PTPRT: variants seen among roughly 807,000 people sequenced by gnomAD.
The protein encoded by PTPRT is protein tyrosine phosphatase receptor type T.
In PTPRT, 56 loss-of-function variants were observed where a neutral mutation model predicts 176.8. The ratio of observed to expected loss-of-function variants is 0.32; its 90% CI spans 0.26 to 0.40. The LOEUF (loss-of-function observed/expected upper bound fraction) is 0.40, where lower values mean the gene tolerates loss of function less well. Among genes scored for constraint, PTPRT ranks in the 10% least tolerant of loss-of-function variants. The probability of loss-of-function intolerance (pLI) is 1.00; values close to 1 mark genes in which losing one functional copy is unlikely to be tolerated. For missense variants in PTPRT, 1,540 were observed against 1,908.2 expected (o/e 0.81, Z 3.60); for synonymous variants, 783 against 739.0 (o/e 1.06, Z -0.96).
intron 11 of PTPRT, among the ~76,000 whole-genome samples, chr20:42,347,474 C>G (rs2058211726): frequency 1.3e-5 from 2 of 152,154 alleles, no homozygotes; most frequent in South Asian, 4.1e-4. Flanking sequence ...TATCATCTTA[C>G]AGTGGAACTG....
chr20:42,226,311 T>C (rs1301351800), intron 15 of PTPRT, among the ~76,000 whole-genome samples: 1 of 152,180 alleles, frequency 6.6e-6, no homozygotes, highest in African/African-American at 2.4e-5. Flanking sequence ...ATTTTACAGA[T>C]GAGAAACTGA....
intron 11 of PTPRT, among the ~76,000 whole-genome samples, chr20:42,341,156 T>C (rs556639317): frequency 3.3e-5 from 5 of 152,286 alleles, no homozygotes; most frequent in African/African-American, 1.2e-4. Context: ...CAAATAGCAC[T>C]TCCTGTCTTT....
intron 9 of PTPRT, among the ~76,000 whole-genome samples, chr20:42,440,905 T>C (rs955975057): frequency 2.0e-5 from 3 of 152,222 alleles, no homozygotes; most frequent in African/African-American, 4.8e-5. Flanking sequence ...TCTTCTGATC[T>C]ATTCAGACCT....
At chr20:42,669,077 C>A (rs987634497) in intron 7 of PTPRT, among the ~76,000 whole-genome samples, 6 of 151,934 alleles carry the variant, frequency 3.9e-5, no homozygotes, top group African/African-American at 1.5e-4. Flanking sequence ...GGTTTTCTCC[C>A]TTCTTTAGCT....
chr20:42,506,193 C>T (rs1205332806), intron 7 of PTPRT, among the ~76,000 whole-genome samples: 1 of 152,086 alleles, frequency 6.6e-6, no homozygotes, highest in Non-Finnish European at 1.5e-5. Context: ...ACATATAATA[C>T]ATTACTCTAG....
chr20:42,084,383 T>A (rs1983658926), intron 29 of PTPRT, among the ~76,000 whole-genome samples: 1 of 152,224 alleles, frequency 6.6e-6, no homozygotes, highest in Middle Eastern at 3.2e-3. Flanking sequence ...GCTCTTTTTG[T>A]CCTATGATCC....
intron 1 of PTPRT, among the ~76,000 whole-genome samples, chr20:42,942,510 G>A (rs1221338043): frequency 2.6e-5 from 4 of 152,156 alleles, no homozygotes; most frequent in Admixed American, 6.5e-5. Context: ...TTTTGTAATT[G>A]TCTAGATGTT....
intron 2 of PTPRT, among the ~76,000 whole-genome samples, chr20:42,809,694 T>C (rs1341692491): frequency 1.3e-5 from 2 of 152,154 alleles, no homozygotes; most frequent in Non-Finnish European, 2.9e-5. Flanking sequence ...AGGTCGTCTC[T>C]GCCTCTGTTT....
chr20:43,075,478 C>A (rs6072965), intron 1 of PTPRT, among the ~76,000 whole-genome samples: 1 of 152,232 alleles, frequency 6.6e-6, no homozygotes. Context: ...AATAAGCACT[C>A]GTCAGGTTCC....
chr20:42,377,883 G>C (rs1279883835), intron 9 of PTPRT, among the ~76,000 whole-genome samples: 1 of 152,186 alleles, frequency 6.6e-6, no homozygotes, highest in Non-Finnish European at 1.5e-5. Flanking sequence ...AACACTATAG[G>C]AAGAACCTGG....
intron 5 of PTPRT, among the ~76,000 whole-genome samples, chr20:42,763,913 G>C (rs1235060427): frequency 6.6e-6 from 1 of 152,138 alleles, no homozygotes; most frequent in African/African-American, 2.4e-5. Context: ...AAGTCCCACA[G>C]GGCTTGGTGG....
chr20:43,073,186 T>A (rs2011203529), intron 1 of PTPRT, among the ~76,000 whole-genome samples: 1 of 152,070 alleles, frequency 6.6e-6, no homozygotes, highest in Non-Finnish European at 1.5e-5. Context: ...AAGGAGAAAA[T>A]GCAATCAGCT....
In PTPRT at chr20:42,472,538, A is replaced by G. The variant is rs1270848448; in HGVS notation, c.1178T>C (p.Val393Ala). 2 of 1,614,058 alleles carry G rather than the reference A, an allele frequency of 1.2e-6. No individual in the cohort carries two copies. Among genetic ancestry groups the G allele is most frequent in the Admixed American group, 1.7e-5 (1 of 60,030 alleles). Residue 393 changes from valine to alanine, a missense_variant, in exon 8 of 31, where the codon GTG (valine) becomes GCG (alanine). By Grantham distance (64) the Val-to-Ala change is moderately conservative. Around this residue, in one of 11 missense-constraint regions of PTPRT, gnomAD observed 273 missense variants for 432.1 expected, o/e 0.63. Coordinates refer to ENST00000373187, the MANE Select transcript of PTPRT (RefSeq NM_007050.6). The stretch of plus-strand genomic sequence containing the variant: ...CCGGGCTCTGATGTCTACGATTTCC[A>G]CGTTCTGTGGGCCATGTACCGGATC... The part of the protein sequence containing the change: ...CADPVHGPQN[V>A]EIVDIRARQL...
chr20:42,864,426 T>C (rs544520540), intron 2 of PTPRT, among the ~76,000 whole-genome samples: 12 of 152,180 alleles, frequency 7.9e-5, no homozygotes, highest in Non-Finnish European at 1.8e-4. Context: ...GGCACCTCCA[T>C]GCTGAGTCCC....
chr20:42,270,090 T>A (rs1353307251), intron 13 of PTPRT, among the ~76,000 whole-genome samples: 1 of 152,262 alleles, frequency 6.6e-6, no homozygotes, highest in East Asian at 1.9e-4. Context: ...GGAAAGGCAC[T>A]GGAACATATC....
intron 1 of PTPRT, among the ~76,000 whole-genome samples, chr20:42,938,059 T>A (rs1980306390): frequency 6.6e-6 from 1 of 152,242 alleles, no homozygotes; most frequent in Admixed American, 6.5e-5. Context: ...AAAGATCTTA[T>A]CAATGGATTT....
chr20:42,268,222 C>T (rs1390094630), intron 13 of PTPRT, among the ~76,000 whole-genome samples: 1 of 152,172 alleles, frequency 6.6e-6, no homozygotes, highest in East Asian at 1.9e-4. Flanking sequence ...TCACAGGCAC[C>T]TCACCCATCA....
At chr20:42,964,757 C>T (rs927896440) in intron 1 of PTPRT, among the ~76,000 whole-genome samples, 1 of 152,044 alleles carries the variant, frequency 6.6e-6, no homozygotes. Flanking sequence ...AGAACCATCA[C>T]CAGATAATTT....
chr20:42,862,449 G>A (rs189470230), intron 2 of PTPRT, among the ~76,000 whole-genome samples: 1 of 152,298 alleles, frequency 6.6e-6, no homozygotes, highest in Admixed American at 6.5e-5. Context: ...AGGAAATTGG[G>A]TCTATTGTGT....
Sources: gnomAD v4.1 joint callset for allele counts (sites outside exome capture counted in the v4.1 genomes callset) on GRCh38, gnomAD v4.1.1 for gene constraint, gnomAD v4.1.1 regional missense constraint, MANE v1.5 for transcripts, NCBI Gene and HGNC (gene_info 2026-07-23, HGNC 2026-07-21) for gene names.